Variants in NEGR1 observed in about 807,000 individuals in gnomAD.
NEGR1 encodes the protein neuronal growth regulator 1, also known as IgLON family member 4.
A neutral mutation model predicts 40.9 loss-of-function variants in NEGR1; 10 were observed. The observed-to-expected ratio is 0.24, with a 90% confidence interval of 0.15 to 0.42. The LOEUF is 0.42. NEGR1 is among the 10% of genes least tolerant of loss of function. The pLI, the probability that NEGR1 is intolerant of heterozygous loss-of-function variation, is 1.00. For synonymous variants in NEGR1, 185 were observed against 166.8 expected, an observed-to-expected ratio of 1.11 and a Z score of -0.84; for missense variants, 352 against 438.9, an observed-to-expected ratio of 0.80 and a Z score of 1.77.
chr1:71,884,801 T>C (rs907083841), intron 2 of NEGR1, among the ~76,000 whole-genome samples: 1 of 152,330 alleles, frequency 6.6e-6, no homozygotes, highest in South Asian at 2.1e-4. Flanking sequence ...ATCAAAGCAG[T>C]TGCCTGCTAG....
At chr1:71,833,436 T>C (rs912748610) in intron 2 of NEGR1, among the ~76,000 whole-genome samples, 3 of 152,054 alleles carry the variant, frequency 2.0e-5, no homozygotes, top group African/African-American at 7.2e-5. Flanking sequence ...AGAGAAAATT[T>C]ATTTCTCCAT....
chr1:71,831,598 G>T (rs999698753), intron 2 of NEGR1, among the ~76,000 whole-genome samples: 2 of 151,924 alleles, frequency 1.3e-5, no homozygotes, highest in African/African-American at 4.8e-5. Context: ...GCTCATTATT[G>T]TGTGTGAGAC....
At chr1:71,447,489 G>A (rs182746353) in intron 6 of NEGR1, among the ~76,000 whole-genome samples, 32 of 152,198 alleles carry the variant, frequency 2.1e-4, no homozygotes, top group Admixed American at 1.4e-3. Flanking sequence ...CAATTACTTC[G>A]CTTTATTTGC....
chr1:72,205,027 A>C (rs957527346), intron 1 of NEGR1, among the ~76,000 whole-genome samples: 1 of 152,156 alleles, frequency 6.6e-6, no homozygotes, highest in African/African-American at 2.4e-5. Flanking sequence ...GATGGAATCA[A>C]AACTAAGTGC....
At chr1:71,722,012 T>C (rs1654525336) in intron 3 of NEGR1, among the ~76,000 whole-genome samples, 1 of 152,124 alleles carries the variant, frequency 6.6e-6, no homozygotes, top group Non-Finnish European at 1.5e-5. Context: ...AGTTCACATG[T>C]AGATTTTAAC....
intron 2 of NEGR1, among the ~76,000 whole-genome samples, chr1:71,875,746 A>G (rs1006047756): frequency 1.3e-5 from 2 of 152,112 alleles, no homozygotes; most frequent in Non-Finnish European, 2.9e-5. Context: ...ACTACTTGAA[A>G]CACTAAGCCT....
intron 2 of NEGR1, among the ~76,000 whole-genome samples, chr1:71,922,410 GA>G (rs1161632089): frequency 1.3e-5 from 2 of 152,140 alleles, no homozygotes; most frequent in Admixed American, 6.6e-5. Flanking sequence ...ATAGCTTTGA[GA>G]TCAAATAGGC....
chr1:72,031,175 C>T (rs1646855281), intron 1 of NEGR1, among the ~76,000 whole-genome samples: 2 of 152,204 alleles, frequency 1.3e-5, no homozygotes. Flanking sequence ...AGGTGGCTTA[C>T]ATCAGCTTGC....
chr1:72,010,442 A>G (rs1052964555), intron 1 of NEGR1, among the ~76,000 whole-genome samples: 1 of 152,130 alleles, frequency 6.6e-6, no homozygotes, highest in African/African-American at 2.4e-5. Context: ...AATTAGTACA[A>G]AGTCATACTC....
intron 5 of NEGR1, among the ~76,000 whole-genome samples, chr1:71,608,758 A>G (rs986864383): frequency 6.6e-6 from 1 of 152,182 alleles, no homozygotes; most frequent in African/African-American, 2.4e-5. Context: ...ATGATGTCCT[A>G]ATTTAGAGAA....
intron 2 of NEGR1, among the ~76,000 whole-genome samples, chr1:71,807,244 A>C (rs1291631699): frequency 2.0e-5 from 3 of 152,158 alleles, no homozygotes; most frequent in Non-Finnish European, 4.4e-5. Flanking sequence ...TTGTAAGAGT[A>C]ATTAGAAAGC....
intron 1 of NEGR1, among the ~76,000 whole-genome samples, chr1:72,076,915 A>T (rs1445423846): frequency 9.9e-6 from 1 of 101,038 alleles, no homozygotes; most frequent in Non-Finnish European, 1.8e-5. Flanking sequence ...TTTTTTTGGA[A>T]AACAGAGTGT....
intron 1 of NEGR1, among the ~76,000 whole-genome samples, chr1:72,142,210 C>T (rs999566771): frequency 2.0e-5 from 3 of 151,764 alleles, no homozygotes; most frequent in African/African-American, 7.3e-5. Flanking sequence ...TAATTTAATG[C>T]TTCGTTAAGG....
At chr1:71,846,997 TTTC>T (rs1341027392) in intron 2 of NEGR1, among the ~76,000 whole-genome samples, 1 of 152,186 alleles carries the variant, frequency 6.6e-6, no homozygotes, top group Non-Finnish European at 1.5e-5. Context: ...ATTGCAATGT[TTTC>T]TTCTCCCACA....
At position 72,114,092 on chromosome 1, in the gene NEGR1, T is replaced by C. The variant is rs1356498365; in HGVS notation, c.176+168227A>G. On this transcript the variant is annotated intron_variant, in intron 1 of 6. Coordinates refer to ENST00000357731, the MANE Select transcript of NEGR1 (RefSeq NM_173808.3). ...CAACGTATTGAGTGTGATGGTTAAT[T>C]GTATGTGTTAACTTAGCCGGGCTAT... Among the ~76,000 whole-genome samples, 11 of 151,904 alleles carry C rather than the reference T, an allele frequency of 7.2e-5. No homozygotes were observed. In the South Asian group the frequency reaches 2.3e-3, roughly 31 times the overall value.
At chr1:72,199,477 T>C (rs908263850) in intron 1 of NEGR1, among the ~76,000 whole-genome samples, 4 of 152,000 alleles carry the variant, frequency 2.6e-5, no homozygotes, top group Non-Finnish European at 4.4e-5. Flanking sequence ...ACTGTGCAAT[T>C]AGAGACACTT....
intron 3 of NEGR1, among the ~76,000 whole-genome samples, chr1:71,775,625 C>A (rs980300928): frequency 7.2e-5 from 11 of 151,794 alleles, no homozygotes; most frequent in African/African-American, 2.7e-4. Flanking sequence ...GGATTACAGG[C>A]GTGAGCCACT....
intron 1 of NEGR1, among the ~76,000 whole-genome samples, chr1:72,074,724 AT>A (rs1647646520): frequency 6.6e-6 from 1 of 152,196 alleles, no homozygotes; most frequent in Admixed American, 6.6e-5. Flanking sequence ...ATGTGCTTTT[AT>A]TTTTACTTCA....
intron 4 of NEGR1, 133 bp downstream of exon 4, chr1:71,697,875 G>A (rs377759302): frequency 1.9e-5 from 14 of 740,198 alleles, no homozygotes; most frequent in African/African-American, 1.8e-4. Flanking sequence ...ACATCTACAC[G>A]TCTTCAGTGT....
Sources: allele counts gnomAD v4.1 joint callset (sites outside exome capture counted in the v4.1 genomes callset), GRCh38; gene constraint gnomAD v4.1.1; transcripts MANE v1.5; gene names NCBI Gene and HGNC (gene_info 2026-07-23, HGNC 2026-07-21).